The following COL24A1 variants were observed in gnomAD, a reference collection of about 807,000 sequenced individuals.
COL24A1 encodes collagen alpha-1(XXIV) chain.
Under a neutral mutation model 253.9 loss-of-function variants are expected in COL24A1, and 224 were observed. The ratio of observed to expected loss-of-function variants is 0.88; its 90% CI spans 0.79 to 0.99. The LOEUF is 0.99. Ranked by LOEUF, COL24A1 falls within the 50% of genes least tolerant of loss-of-function variation. The pLI is 0.00. For synonymous variants in COL24A1, 685 were observed against 673.7 expected, an observed-to-expected ratio of 1.02 and a Z score of -0.26; for missense variants, 2,131 against 2,068.5, an observed-to-expected ratio of 1.03 and a Z score of -0.59.
intron 18 of COL24A1, among the ~76,000 whole-genome samples, chr1:86,021,818 T>C (rs945962589): frequency 1.3e-5 from 2 of 152,140 alleles, no homozygotes; most frequent in East Asian, 1.9e-4. Flanking sequence ...GGAAAAAAAA[T>C]AAGGATTTAG....
At chr1:85,824,779 T>A (rs571053881) in intron 43 of COL24A1, among the ~76,000 whole-genome samples, 2 of 152,246 alleles carry the variant, frequency 1.3e-5, no homozygotes, top group South Asian at 4.1e-4. Flanking sequence ...CTTTTCCTAC[T>A]CAATCAGATT....
intron 43 of COL24A1, among the ~76,000 whole-genome samples, chr1:85,829,899 G>A (rs939650063): frequency 1.3e-5 from 2 of 151,950 alleles, no homozygotes; most frequent in Non-Finnish European, 2.9e-5. Flanking sequence ...TAATTTGATC[G>A]TCTGAAGCCT....
At chr1:86,107,677 G>A (rs60762730) in intron 5 of COL24A1, among the ~76,000 whole-genome samples, 1 of 151,904 alleles carries the variant, frequency 6.6e-6, no homozygotes, top group Non-Finnish European at 1.5e-5. Context: ...TGGGACTACA[G>A]GCGCCTCCCA....
chr1:86,025,142 T>A (rs1053216440), intron 14 of COL24A1, among the ~76,000 whole-genome samples: 2 of 152,320 alleles, frequency 1.3e-5, no homozygotes, highest in South Asian at 4.1e-4. Context: ...TGAGAAACTA[T>A]AGCCTTCTGA....
chr1:86,018,295 C>G (rs143926495), intron 18 of COL24A1, among the ~76,000 whole-genome samples: 22 of 152,294 alleles, frequency 1.4e-4, no homozygotes, highest in Middle Eastern at 3.4e-3. Context: ...GGACATAAAA[C>G]AGGACACCAT....
At chr1:85,927,586 C>A (rs1489316033) in intron 24 of COL24A1, among the ~76,000 whole-genome samples, 1 of 116,258 alleles carries the variant, frequency 8.6e-6, no homozygotes, top group Non-Finnish European at 1.8e-5. Context: ...CACCACAGCT[C>A]AAGGAGGCCT....
At chr1:85,797,118 A>G (rs1318925289) in intron 47 of COL24A1, among the ~76,000 whole-genome samples, 1 of 150,534 alleles carries the variant, frequency 6.6e-6, no homozygotes, top group Non-Finnish European at 1.5e-5. Context: ...GACGCAGGAG[A>G]ATGGCGTGAA....
intron 52 of COL24A1, among the ~76,000 whole-genome samples, chr1:85,779,150 G>A (rs111589511): frequency 2.6e-5 from 4 of 151,916 alleles, no homozygotes; most frequent in African/African-American, 9.7e-5. Context: ...GGGCTTATAG[G>A]CATGTACCAC....
At chr1:85,809,535 G>C (rs1672315767) in intron 47 of COL24A1, among the ~76,000 whole-genome samples, 1 of 151,962 alleles carries the variant, frequency 6.6e-6, no homozygotes, top group Admixed American at 6.6e-5. Flanking sequence ...TGAAGTTCCA[G>C]GAATAATAGT....
intron 47 of COL24A1, among the ~76,000 whole-genome samples, chr1:85,801,230 TTG>T (rs1261979088): frequency 6.6e-6 from 1 of 152,086 alleles, no homozygotes; most frequent in Non-Finnish European, 1.5e-5. Context: ...TCAACAAAAT[TTG>T]TGTTTGTTTT....
chr1:86,126,907 G>T (rs994924054), intron 2 of COL24A1, among the ~76,000 whole-genome samples: 3 of 152,120 alleles, frequency 2.0e-5, no homozygotes, highest in African/African-American at 7.2e-5. Flanking sequence ...GTGTTAAAGT[G>T]AAAGTGGAGT....
At chr1:85,998,018 C>T (rs528215320) in intron 19 of COL24A1, among the ~76,000 whole-genome samples, 1 of 152,050 alleles carries the variant, frequency 6.6e-6, no homozygotes, top group Non-Finnish European at 1.5e-5. Context: ...CTGTACCTAG[C>T]CAAGTCTCTA....
intron 17 of COL24A1, 48 bp from the exon 18 acceptor site, chr1:86,022,341 C>T (rs770608339): frequency 2.0e-6 from 3 of 1,521,766 alleles, no homozygotes; most frequent in Non-Finnish European, 2.7e-6. Context: ...CCACAAAAGG[C>T]AGACATACCA....
At chr1:85,935,841 A>C (rs1418097302) in intron 24 of COL24A1, among the ~76,000 whole-genome samples, 1 of 147,576 alleles carries the variant, frequency 6.8e-6, no homozygotes, top group Non-Finnish European at 1.5e-5. Flanking sequence ...GTAGTGGTGG[A>C]AACAGAGGTG....
At chr1:85,851,725 T>C (rs1381299385) in intron 37 of COL24A1, among the ~76,000 whole-genome samples, 3 of 152,200 alleles carry the variant, frequency 2.0e-5, no homozygotes. Flanking sequence ...TATATCTCTA[T>C]GTGAATTTCT....
chr1:85,983,895 T>G (rs561941048), intron 20 of COL24A1, among the ~76,000 whole-genome samples: 17 of 151,874 alleles, frequency 1.1e-4, no homozygotes, highest in Non-Finnish European at 2.2e-4. Context: ...CAGGATATTC[T>G]TTTAAAATTC....
chr1:85,953,985 T>C (rs777984772), intron 24 of COL24A1, among the ~76,000 whole-genome samples: 13 of 152,196 alleles, frequency 8.5e-5, no homozygotes, highest in Admixed American at 3.3e-4. Flanking sequence ...AATACTCACA[T>C]CTGAAAAAGA....
chr1:86,113,783 T>C (rs923812427), intron 4 of COL24A1, among the ~76,000 whole-genome samples: 1 of 125,706 alleles, frequency 8.0e-6, no homozygotes, highest in Non-Finnish European at 1.5e-5. Context: ...TACAGTGAGC[T>C]ATGATACCCA....
At chr1:85,790,247 T>C (rs1442848657) in intron 47 of COL24A1, among the ~76,000 whole-genome samples, 3 of 152,210 alleles carry the variant, frequency 2.0e-5, no homozygotes, top group Admixed American at 6.5e-5. Flanking sequence ...TATTGGTCTA[T>C]TCAGGGATTC....
Sources: allele counts gnomAD v4.1 joint callset (sites outside exome capture counted in the v4.1 genomes callset), GRCh38; gene constraint gnomAD v4.1.1; transcripts MANE v1.5; gene names NCBI Gene and HGNC (gene_info 2026-07-23, HGNC 2026-07-21).